AHI1: variants seen among roughly 807,000 people sequenced by gnomAD.
The protein encoded by AHI1 is jouberin.
A neutral mutation model predicts 149.3 loss-of-function variants in AHI1; 123 were observed. The observed-to-expected ratio is 0.82, with a 90% CI of 0.71 to 0.96. The LOEUF is 0.96. AHI1 is among the 40% of genes least tolerant of loss of function. AHI1 has a pLI of 0.00. For synonymous variants in AHI1, 475 were observed against 459.8 expected (o/e 1.03, Z -0.42); for missense variants, 1,439 against 1,422.7 (o/e 1.01, Z -0.18).
chr6:135,431,288 T>A lies in AHI1; in HGVS notation c.2293A>T (p.Thr765Ser). 1.2e-6 allele frequency: 2 copies of A among 1,606,166 alleles called. No homozygotes were observed. Among genetic ancestry groups the A allele is most frequent in the Non-Finnish European group, 1.7e-6 (2 of 1,174,948 alleles). The change falls in exon 17 of 29, where the codon ACA (threonine) becomes TCA (serine). Residue 765 changes from threonine to serine, a missense_variant. Coordinates refer to ENST00000265602, the MANE Select transcript of AHI1 (RefSeq NM_001134831.2). ...EGHHMYSGDCTGVIVVWNTYV... is the reference protein window; with the variant it reads ...EGHHMYSGDCSGVIVVWNTYV... ...GTATTCCAAACAACAATCACCCCTG[T>A]ACAATCTCCTGAATACATATGATGA...
chr6:135,448,145 A>T (rs1787530584), intron 12 of AHI1, 145 bp downstream of exon 12: 1 of 465,524 alleles, frequency 2.1e-6, no homozygotes, highest in African/African-American at 2.0e-5. Context: ...TTTAAATATC[A>T]GCTATTACAG....
At chr6:135,428,826 C>G in intron 18 of AHI1, 67 bp from the exon 19 acceptor site, 1 of 1,400,736 alleles carries the variant, frequency 7.1e-7, no homozygotes, top group Non-Finnish European at 9.5e-7. Flanking sequence ...GGTATAAAAT[C>G]TTTTCTCTTA....
At chr6:135,458,841 G>A (rs1170613725) in intron 8 of AHI1, among the ~76,000 whole-genome samples, 1 of 152,084 alleles carries the variant, frequency 6.6e-6, no homozygotes, top group African/African-American at 2.4e-5. Flanking sequence ...GGGCAAAACT[G>A]GATCTCCCAT....
intron 23 of AHI1, among the ~76,000 whole-genome samples, chr6:135,365,451 T>G (rs76068055): frequency 0.045 from 6,929 of 152,318 alleles, 224 homozygotes; most frequent in Middle Eastern, 0.11. Flanking sequence ...TGGGATGTGT[T>G]TCCATCTTTT....
At chr6:135,449,980 C>A in intron 11 of AHI1, among the ~76,000 whole-genome samples, 1 of 152,104 alleles carries the variant, frequency 6.6e-6, no homozygotes, top group East Asian at 1.9e-4. Context: ...GAGAGAGTAG[C>A]ACGGATACTC....
intron 7 of AHI1, 73 bp from the exon 8 acceptor site, chr6:135,463,379 G>A: frequency 1.6e-6 from 2 of 1,258,402 alleles, no homozygotes; most frequent in Admixed American, 2.3e-5. Context: ...ATGCAACAGA[G>A]TGAACAGTAA....
Position 135,318,286 on chromosome 6 carries a change from T to C in AHI1, c.3426+233A>G, listed in dbSNP as rs1051030306. The C allele has an allele frequency of 2.3e-5, 9 of 398,862 alleles. No individual in the cohort carries two copies. The Admixed American group carries it at 2.7e-4, about 12-fold the overall frequency. 24.7% of individuals were successfully genotyped at this position (398,862 alleles called of 1,614,324 possible). A position where few individuals can be genotyped will look rare whatever the true frequency, so the allele number is the denominator to read the frequency against. ...AGTTCTACTTTGGGTCCTTGTCCCA[T>C]CACTTAGGCTGTGACTTGGAGTCTA... On this transcript the variant is annotated intron_variant, in intron 26 of 28. Coordinates refer to ENST00000265602, the MANE Select transcript of AHI1 (RefSeq NM_001134831.2).
At chr6:135,379,595 C>T (rs556055833) in intron 23 of AHI1, among the ~76,000 whole-genome samples, 1 of 152,256 alleles carries the variant, frequency 6.6e-6, no homozygotes, top group South Asian at 2.1e-4. Context: ...CTATGCAATC[C>T]CATCTACCTA....
chr6:135,424,153 A>T (rs964062517), intron 20 of AHI1, among the ~76,000 whole-genome samples: 2 of 152,062 alleles, frequency 1.3e-5, no homozygotes, highest in African/African-American at 4.8e-5. Flanking sequence ...AAATTTGCTG[A>T]AAAGGAAATT....
intron 3 of AHI1, chr6:135,492,764 G>C (rs563642651): frequency 1.0e-5 from 10 of 985,330 alleles, no homozygotes; most frequent in Middle Eastern, 5.2e-4. Flanking sequence ...TGCTACAATA[G>C]AGAAGGATAG....
intron 20 of AHI1, among the ~76,000 whole-genome samples, chr6:135,413,139 G>A (rs1781843111): frequency 6.6e-6 from 1 of 151,998 alleles, no homozygotes; most frequent in African/African-American, 2.4e-5. Flanking sequence ...GACCAGCCCT[G>A]GCAAGATAAT....
chr6:135,496,981 C>A (rs1448787138), intron 2 of AHI1, among the ~76,000 whole-genome samples: 1 of 152,184 alleles, frequency 6.6e-6, no homozygotes, highest in Non-Finnish European at 1.5e-5. Context: ...ACTGTTAATG[C>A]AACAGGTGAA....
At chr6:135,412,174 A>G (rs535457947) in intron 20 of AHI1, among the ~76,000 whole-genome samples, 50 of 152,160 alleles carry the variant, frequency 3.3e-4, no homozygotes, top group Non-Finnish European at 7.1e-4. Context: ...AAATATTCAG[A>G]AAAAAATAAC....
At chr6:135,463,648 T>G (rs1790282911) in intron 7 of AHI1, among the ~76,000 whole-genome samples, 1 of 152,232 alleles carries the variant, frequency 6.6e-6, no homozygotes, top group South Asian at 2.1e-4. Flanking sequence ...AGTAAATGAT[T>G]TATCAACCAA....
chr6:135,402,978 T>C (rs111630109), intron 22 of AHI1, among the ~76,000 whole-genome samples: 4 of 152,292 alleles, frequency 2.6e-5, no homozygotes, highest in Admixed American at 6.5e-5. Flanking sequence ...TTCACTGATA[T>C]ATGTTACAAA....
chr6:135,415,860 C>G (rs1782297981), intron 20 of AHI1, among the ~76,000 whole-genome samples: 1 of 152,034 alleles, frequency 6.6e-6, no homozygotes, highest in Non-Finnish European at 1.5e-5. Flanking sequence ...TGCTAAAACA[C>G]AGATTTATCA....
intron 22 of AHI1, among the ~76,000 whole-genome samples, chr6:135,404,243 C>A (rs1243650126): frequency 6.6e-6 from 1 of 152,158 alleles, no homozygotes; most frequent in Non-Finnish European, 1.5e-5. Context: ...ATTTTCCCAA[C>A]ACCTAAATTA....
At chr6:135,453,491 G>A (rs1349318375) in intron 10 of AHI1, 55 bp from the exon 11 acceptor site, 1 of 1,250,424 alleles carries the variant, frequency 8.0e-7, no homozygotes, top group African/African-American at 1.5e-5. Flanking sequence ...TTTTCTAATG[G>A]TACATTATTA....
intron 24 of AHI1, among the ~76,000 whole-genome samples, chr6:135,349,153 T>A (rs1377227157): frequency 2.0e-5 from 3 of 152,022 alleles, no homozygotes; most frequent in African/African-American, 7.2e-5. Flanking sequence ...CCTAGCTAAT[T>A]TAAAAAAAAT....
Sources: gnomAD v4.1 joint callset for allele counts (sites outside exome capture counted in the v4.1 genomes callset) on GRCh38, gnomAD v4.1.1 for gene constraint, MANE v1.5 for transcripts, NCBI Gene and HGNC (gene_info 2026-07-23, HGNC 2026-07-21) for gene names.